Variants in SMG8 observed in about 807,000 individuals in gnomAD.
SMG8 encodes SMG8 nonsense mediated mRNA decay factor.
SMG8 carries 49 observed loss-of-function variants against 82.1 expected under a neutral mutation model. That is an observed-to-expected ratio of 0.60 (90% confidence interval 0.47 to 0.76). The LOEUF (loss-of-function observed/expected upper bound fraction) is 0.76. SMG8 is among the 30% of genes least tolerant of loss of function. The pLI, the probability that SMG8 is intolerant of heterozygous loss-of-function variation, is 0.00. For synonymous variants in SMG8, 404 were observed against 430.0 expected (o/e 0.94, Z 0.75); for missense variants, 969 against 1,166.4 (o/e 0.83, Z 2.46).
Position 59,210,847 on chromosome 17 carries a change from C to CT in SMG8, c.800dup (p.Leu268ProfsTer43), listed in dbSNP as rs781047634. ...CTGCCGACCTTGCCCACCTAGACTC[C>CT]TTTTCCTCTTTCAACTCAATGGAGC... On this transcript the variant is annotated frameshift_variant, in exon 1 of 4. Transcript: ENST00000300917. LOFTEE classifies it high-confidence loss of function. 8.1e-5 allele frequency: 130 copies of CT among 1,614,060 alleles called. No individual in the cohort carries two copies. The highest frequency in any genetic ancestry group is 1.1e-4 in the Non-Finnish European group (127 of 1,180,056).
In SMG8 at chr17:59,210,237, C is replaced by CGA. The variant is rs2046939194; in HGVS notation, c.189_190dup (p.Lys64ArgfsTer6). 2 of 1,610,776 alleles carry CGA rather than the reference C, an allele frequency of 1.2e-6. No individual in the cohort carries two copies. Among genetic ancestry groups the CGA allele is most frequent in the Non-Finnish European group, 8.5e-7 (1 of 1,178,682 alleles). Reference sequence around the variant, plus strand: ...GCAAGACGGCTCTACGCCTGAATTCCGAGAAGTTCTCTCTTGTGAATACGG... The same window carrying CGA: ...GCAAGACGGCTCTACGCCTGAATTCCGAGAGAAGTTCTCTCTTGTGAATACGG... On this transcript the variant is annotated frameshift_variant, in exon 1 of 4. Transcript: ENST00000300917. LOFTEE classifies it high-confidence loss of function.
rs767122636 is a variant in SMG8, at chr17:59,213,153, A to G, written c.2330A>G (p.Tyr777Cys). 1.9e-6 allele frequency: 3 copies of G among 1,614,220 alleles called. No individual in the cohort carries two copies. Among genetic ancestry groups the G allele is most frequent in the Non-Finnish European group, 1.7e-6 (2 of 1,180,042 alleles). ...SLVKLGPAKS[Y>C]NFHTGLDQQG... ...GTTAAACTAGGCCCTGCTAAGTCTT[A>G]TAACTTTCATACAGGTTTGGACCAA... Residue 777 changes from tyrosine (Y) to cysteine (C), a missense_variant, in exon 3 of 4, where the codon TAT becomes TGT. Physicochemically the swap from Tyr to Cys is radical, Grantham distance 194. Around this residue, in one of 3 missense-constraint regions of SMG8, gnomAD observed 662 missense variants for 884.8 expected, o/e 0.75. Transcript: ENST00000300917.
rs774422572 is a variant in SMG8, at chr17:59,212,976, A to G, written c.2153A>G (p.Asp718Gly). ...TYPADPQAGGDNPEVHGQVEV... is the reference protein window; with the variant it reads ...TYPADPQAGGGNPEVHGQVEV... The stretch of plus-strand genomic sequence containing the variant: ...CCAGCTGATCCACAAGCAGGAGGAG[A>G]TAATCCAGAAGTTCATGGTCAAGTA... The change falls in exon 3 of 4, where the codon GAT becomes GGT. Residue 718 changes from aspartate (D) to glycine (G), a missense_variant. This residue lies in a region of SMG8 where 662 missense variants were observed against 884.8 expected (regional missense o/e 0.75). Coordinates refer to ENST00000300917, the MANE Select transcript of SMG8 (RefSeq NM_018149.7). The G allele has an allele frequency of 6.2e-7, 1 of 1,614,178 alleles. No homozygotes were observed. Among genetic ancestry groups the G allele is most frequent in the South Asian group, 1.1e-5 (1 of 91,086 alleles).
In SMG8 at chr17:59,210,541, C is replaced by A; in HGVS notation, c.490C>A (p.Arg164=). Residue 164 remains arginine (R), a synonymous_variant, in exon 1 of 4, where the codon CGG becomes AGG. Coordinates refer to ENST00000300917, the MANE Select transcript of SMG8 (RefSeq NM_018149.7). ...CATCTGTGACAATTCACAGCTTCTC[C>A]GGGCTTGTCGGGCTCTTCAGAGCGG... The part of the protein sequence containing the change: ...TSICDNSQLL[R]ACRALQSGEA... 1 of 1,564,062 alleles carries A rather than the reference C, an allele frequency of 6.4e-7. No individual in the cohort carries two copies. The highest frequency in any genetic ancestry group is 8.6e-7 in the Non-Finnish European group (1 of 1,158,630).
chr17:59,214,534 C>T (rs1028206763), intron 3 of SMG8, among the ~76,000 whole-genome samples: 1 of 151,968 alleles, frequency 6.6e-6, no homozygotes, highest in Non-Finnish European at 1.5e-5. Context: ...CCCAGCCTCC[C>T]CAGTAACAGA....
In SMG8 at chr17:59,210,230, T is replaced by G; in HGVS notation, c.179T>G (p.Leu60Arg). 1 of 1,609,714 alleles carries G rather than the reference T, an allele frequency of 6.2e-7. No individual in the cohort carries two copies. Among genetic ancestry groups the G allele is most frequent in the Admixed American group, 1.7e-5 (1 of 59,132 alleles). The change falls in exon 1 of 4, where the codon CTG (leucine) becomes CGG (arginine). Residue 60 changes from leucine (L) to arginine (R), a missense_variant. By Grantham distance (102) the Leu-to-Arg change is moderately radical. Coordinates refer to ENST00000300917, the MANE Select transcript of SMG8 (RefSeq NM_018149.7). The stretch of plus-strand genomic sequence containing the variant: ...ATCTTCGGCAAGACGGCTCTACGCC[T>G]GAATTCCGAGAAGTTCTCTCTTGTG... ...VGIFGKTALRLNSEKFSLVNT... is the reference protein window; with the variant it reads ...VGIFGKTALRRNSEKFSLVNT...
rs747425829 is a variant in SMG8 at position 59,210,390 on chromosome 17, G to T, written c.339G>T (p.Gly113=). 42 of 1,610,728 alleles carry T rather than the reference G, an allele frequency of 2.6e-5. No homozygotes were observed. Among genetic ancestry groups the T allele is most frequent in the Non-Finnish European group, 3.2e-5 (38 of 1,178,698 alleles). Residue 113 remains glycine, a synonymous_variant, in exon 1 of 4, where the codon GGG becomes GGT. Coordinates refer to ENST00000300917, the MANE Select transcript of SMG8 (RefSeq NM_018149.7). ...GGAEDPGAAA[G]GSVRGSGAVA... ...CCGAGGACCCTGGGGCTGCAGCCGGGGGTTCAGTTCGGGGAAGTGGAGCTG... is the reference window on the plus strand; with the variant it reads ...CCGAGGACCCTGGGGCTGCAGCCGGTGGTTCAGTTCGGGGAAGTGGAGCTG...
At position 59,212,490 on chromosome 17, in the gene SMG8, G is replaced by A. The variant is rs771704311; in HGVS notation, c.1905+4G>A. On this transcript the variant is annotated splice_donor_region_variant and intron_variant, in intron 2 of 3. Transcript: ENST00000300917. ...AGCCAATTATGACTTCTATCAGGTA[G>A]ACTCTGAATTTTTTCTTCTTCCTCT... The A allele has an allele frequency of 2.5e-6, 4 of 1,589,304 alleles. No homozygotes were observed. In the Admixed American group the frequency reaches 5.3e-5, roughly 21 times the overall value.
In SMG8 at chr17:59,213,384, C is replaced by T. The variant is rs775181045; in HGVS notation, c.2561C>T (p.Ser854Phe). 3.2e-5 allele frequency: 51 copies of T among 1,614,000 alleles called. No homozygotes were observed. The highest frequency in any genetic ancestry group is 4.1e-5 in the Non-Finnish European group (48 of 1,180,026). Reference sequence around the variant, plus strand: ...TTTGTGGGCTTTGAATATGAAGACTCTCGAGGTCGGAGATTCATGTGCTCT... The same window carrying T: ...TTTGTGGGCTTTGAATATGAAGACTTTCGAGGTCGGAGATTCATGTGCTCT... ...RAFVGFEYED[S>F]RGRRFMCSGP... is the part of the protein sequence containing the mutation. The change falls in exon 3 of 4, where the codon TCT becomes TTT. Residue 854 changes from serine (S) to phenylalanine (F), a missense_variant. This residue lies in a region of SMG8 where 662 missense variants were observed against 884.8 expected (regional missense o/e 0.75). Coordinates refer to ENST00000300917, the MANE Select transcript of SMG8 (RefSeq NM_018149.7).
chr17:59,213,676 A>G, intron 3 of SMG8, 75 bp downstream of exon 3: 1 of 1,504,924 alleles, frequency 6.6e-7, no homozygotes, highest in Middle Eastern at 2.1e-4. Context: ...TTTAAAAAGT[A>G]CAAGTTAGCC....
chr17:59,212,837 C>T lies in SMG8; in HGVS notation c.2014C>T (p.Pro672Ser), dbSNP rs376395515. Residue 672 changes from proline to serine, a missense_variant, in exon 3 of 4, where the codon CCA becomes TCA. Pro to Ser is a moderately conservative substitution (Grantham distance 74, BLOSUM62 -1). This residue lies in a region of SMG8 where 662 missense variants were observed against 884.8 expected (regional missense o/e 0.75). Coordinates refer to ENST00000300917, the MANE Select transcript of SMG8 (RefSeq NM_018149.7). ...PAKNESSPAP[P>S]DSDADKLKEK... ...TAAAAATGAATCCTCTCCTGCTCCT[C>T]CAGATTCGGATGCTGATAAACTTAA... is the stretch of plus-strand genomic sequence containing the variant. 5.0e-6 allele frequency: 8 copies of T among 1,613,954 alleles called. No individual in the cohort carries two copies. The highest frequency in any genetic ancestry group is 2.2e-5 in the East Asian group (1 of 44,894).
chr17:59,212,998 A>G lies in SMG8; in HGVS notation c.2175A>G (p.Gln725=). The G allele has an allele frequency of 6.2e-7, 1 of 1,614,202 alleles. No homozygotes were observed. The highest frequency in any genetic ancestry group is 8.5e-7 in the Non-Finnish European group (1 of 1,180,048). Residue 725 remains glutamine, a synonymous_variant, in exon 3 of 4, where the codon CAA becomes CAG. Coordinates refer to ENST00000300917, the MANE Select transcript of SMG8 (RefSeq NM_018149.7). ...AGGDNPEVHG[Q]VEVKTEKRPN... ...GAGATAATCCAGAAGTTCATGGTCAAGTAGAAGTGAAAACTGAGAAGAGGC... is the reference window on the plus strand; with the variant it reads ...GAGATAATCCAGAAGTTCATGGTCAGGTAGAAGTGAAAACTGAGAAGAGGC...
chr17:59,212,547 A>T, intron 2 of SMG8, 61 bp downstream of exon 2: 3 of 1,559,670 alleles, frequency 1.9e-6, no homozygotes, highest in Non-Finnish European at 2.6e-6. Context: ...TCATCTGAGT[A>T]AAAACATATT....
rs1390817104 is a variant in SMG8, at chr17:59,212,545, G to A, written c.1905+59G>A. 5.8e-6 allele frequency: 9 copies of A among 1,559,520 alleles called. No individual in the cohort carries two copies. The East Asian group carries it at 2.0e-4, about 35-fold the overall frequency. On this transcript the variant is annotated intron_variant, in intron 2 of 3. Coordinates refer to ENST00000300917, the MANE Select transcript of SMG8 (RefSeq NM_018149.7). ...TCTTTTTTTGTTAAATATCATCTGAGTAAAAACATATTTTCAATAGCAGAG... is the reference window on the plus strand; with the variant it reads ...TCTTTTTTTGTTAAATATCATCTGAATAAAAACATATTTTCAATAGCAGAG...
At position 59,212,495 on chromosome 17, in the gene SMG8, T is replaced by G. The variant is rs112560185; in HGVS notation, c.1905+9T>G. On this transcript the variant is annotated intron_variant, in intron 2 of 3. Coordinates refer to ENST00000300917, the MANE Select transcript of SMG8 (RefSeq NM_018149.7). ...ATTATGACTTCTATCAGGTAGACTC[T>G]GAATTTTTTCTTCTTCCTCTTCTGT... 1.3e-6 allele frequency: 2 copies of G among 1,587,634 alleles called. No individual in the cohort carries two copies. The highest frequency in any genetic ancestry group is 1.7e-6 in the Non-Finnish European group (2 of 1,162,782).
intron 3 of SMG8, among the ~76,000 whole-genome samples, chr17:59,214,532 C>G (rs996692501): frequency 7.2e-5 from 11 of 152,048 alleles, no homozygotes; most frequent in African/African-American, 2.7e-4. Flanking sequence ...GCCCCAGCCT[C>G]CCCAGTAACA....
Position 59,211,760 on chromosome 17 carries a change from G to T in SMG8, c.1709G>T (p.Ser570Ile). The T allele has an allele frequency of 6.2e-7, 1 of 1,602,058 alleles. No individual in the cohort carries two copies. The change falls in exon 1 of 4, where the codon AGT becomes ATT. Residue 570 changes from serine (S) to isoleucine (I), a missense_variant. By Grantham distance (142) the Ser-to-Ile change is moderately radical. Transcript: ENST00000300917. ...SNGHQLCEER[S>I]LTDQHCVHKF... ...GGCCATCAGCTCTGTGAGGAGAGGAGTTTAACTGATCAACACTGTGTGCAC... is the reference window on the plus strand; with the variant it reads ...GGCCATCAGCTCTGTGAGGAGAGGATTTTAACTGATCAACACTGTGTGCAC...
At position 59,210,388 on chromosome 17, in the gene SMG8, G is replaced by A. The variant is rs772422031; in HGVS notation, c.337G>A (p.Gly113Arg). The A allele has an allele frequency of 1.2e-6, 2 of 1,610,146 alleles. No homozygotes were observed. The highest frequency in any genetic ancestry group is 1.3e-5 in the African/African-American group (1 of 74,788). ...GGAEDPGAAA[G>R]GSVRGSGAVA... The stretch of plus-strand genomic sequence containing the variant: ...AGCCGAGGACCCTGGGGCTGCAGCC[G>A]GGGGTTCAGTTCGGGGAAGTGGAGC... The change falls in exon 1 of 4, where the codon GGG becomes AGG. Residue 113 changes from glycine (G) to arginine (R), a missense_variant. By Grantham distance (125) the Gly-to-Arg change is moderately radical. Coordinates refer to ENST00000300917, the MANE Select transcript of SMG8 (RefSeq NM_018149.7).
In SMG8 at chr17:59,211,184, G is replaced by A. The variant is rs2046944212; in HGVS notation, c.1133G>A (p.Arg378Gln). Residue 378 changes from arginine to glutamine, a missense_variant, in exon 1 of 4, where the codon CGA becomes CAA. By Grantham distance (43) the Arg-to-Gln change is conservative (BLOSUM62 1). Around this residue, in one of 3 missense-constraint regions of SMG8, gnomAD observed 662 missense variants for 884.8 expected, o/e 0.75. Coordinates refer to ENST00000300917, the MANE Select transcript of SMG8 (RefSeq NM_018149.7). ...LVPAPLSGPR[R>Q]YQVMRQHSRQ... is the part of the protein sequence containing the mutation. ...CCTGCACCCCTTTCTGGGCCTAGGC[G>A]ATACCAGGTGATGAGGCAGCACAGC... The A allele has an allele frequency of 6.2e-7, 1 of 1,614,108 alleles. No individual in the cohort carries two copies. Among genetic ancestry groups the A allele is most frequent in the African/African-American group, 1.3e-5 (1 of 74,948 alleles).
Sources: allele counts gnomAD v4.1 joint callset (sites outside exome capture counted in the v4.1 genomes callset), GRCh38; gene constraint gnomAD v4.1.1; regional missense constraint gnomAD v4.1.1; transcripts MANE v1.5; gene names NCBI Gene and HGNC (gene_info 2026-07-23, HGNC 2026-07-21).